The following KCNH5 variants were observed in gnomAD, a reference collection of about 807,000 sequenced individuals.
The protein encoded by KCNH5 is potassium voltage-gated channel subfamily H member 5.
A neutral mutation model predicts 96.1 loss-of-function variants in KCNH5; 46 were observed. That is an observed-to-expected ratio of 0.48 (90% CI 0.38 to 0.61). KCNH5 has a LOEUF of 0.61. Among genes scored for constraint, KCNH5 ranks in the 20% least tolerant of loss-of-function variants. The pLI is 0.00. For synonymous variants in KCNH5, 439 were observed against 449.8 expected, an observed-to-expected ratio of 0.98 and a Z score of 0.30; for missense variants, 907 against 1,225.8, an observed-to-expected ratio of 0.74 and a Z score of 3.88.
At chr14:62,803,873 C>T (rs1476745321) in intron 8 of KCNH5, among the ~76,000 whole-genome samples, 2 of 152,104 alleles carry the variant, frequency 1.3e-5, no homozygotes, top group Non-Finnish European at 2.9e-5. Flanking sequence ...TTTCTTTGAT[C>T]GGATTTCAAT....
intron 7 of KCNH5, among the ~76,000 whole-genome samples, chr14:62,875,953 G>A (rs926787823): frequency 6.6e-6 from 1 of 152,208 alleles, no homozygotes; most frequent in Non-Finnish European, 1.5e-5. Context: ...CAAATCATGA[G>A]GTCAGGAGTT....
At chr14:62,755,623 A>G (rs1218751988) in intron 10 of KCNH5, among the ~76,000 whole-genome samples, 1 of 152,216 alleles carries the variant, frequency 6.6e-6, no homozygotes, top group East Asian at 1.9e-4. Context: ...ACAAAGATGC[A>G]TCGAAAAAAG....
chr14:62,965,243 G>T (rs140955444), intron 6 of KCNH5, among the ~76,000 whole-genome samples: 114 of 152,204 alleles, frequency 7.5e-4, no homozygotes, highest in African/African-American at 2.5e-3. Flanking sequence ...CCCCAATGTG[G>T]TAGTGTTGGA....
At chr14:62,723,790 C>G (rs762245808) in intron 10 of KCNH5, among the ~76,000 whole-genome samples, 6 of 152,180 alleles carry the variant, frequency 3.9e-5, no homozygotes, top group Non-Finnish European at 7.4e-5. Flanking sequence ...TTTATTTTAT[C>G]AGAATAGTGT....
chr14:62,842,451 A>G (rs1887604866), intron 8 of KCNH5, among the ~76,000 whole-genome samples: 1 of 152,268 alleles, frequency 6.6e-6, no homozygotes, highest in Non-Finnish European at 1.5e-5. Flanking sequence ...GTAACAACTG[A>G]GAAACACATG....
At chr14:62,826,453 C>T (rs12147372) in intron 8 of KCNH5, among the ~76,000 whole-genome samples, 4,374 of 140,428 alleles carry the variant, frequency 0.031, 94 homozygotes, top group South Asian at 0.062. Flanking sequence ...TCAGCATTTT[C>T]AAGGATTTTC....
intron 7 of KCNH5, among the ~76,000 whole-genome samples, chr14:62,932,578 T>A (rs1336727191): frequency 6.6e-6 from 1 of 151,444 alleles, no homozygotes; most frequent in Non-Finnish European, 1.5e-5. Context: ...AACTTGTGAA[T>A]GAAATAACTC....
At chr14:63,021,609 C>G (rs974935865) in intron 1 of KCNH5, among the ~76,000 whole-genome samples, 1 of 152,110 alleles carries the variant, frequency 6.6e-6, no homozygotes, top group Non-Finnish European at 1.5e-5. Context: ...AAACTTTCCA[C>G]AGAAGTTGTC....
At chr14:62,760,324 T>A (rs1325001497) in intron 10 of KCNH5, among the ~76,000 whole-genome samples, 2 of 152,162 alleles carry the variant, frequency 1.3e-5, no homozygotes, top group Non-Finnish European at 1.5e-5. Flanking sequence ...CTCTAAGTTA[T>A]AATACAGTCC....
intron 8 of KCNH5, among the ~76,000 whole-genome samples, chr14:62,832,679 C>T (rs111268059): frequency 1.4e-4 from 22 of 152,174 alleles, no homozygotes; most frequent in South Asian, 8.3e-4. Context: ...GAAGAAACTC[C>T]GTCCTGTTTT....
chr14:62,991,913 G>C (rs1890816118), intron 4 of KCNH5, among the ~76,000 whole-genome samples: 1 of 151,932 alleles, frequency 6.6e-6, no homozygotes, highest in East Asian at 1.9e-4. Flanking sequence ...AGGGCTTTTA[G>C]GGTAACTGTG....
intron 3 of KCNH5, among the ~76,000 whole-genome samples, chr14:63,002,251 A>C (rs1891024481): frequency 6.6e-6 from 1 of 152,210 alleles, no homozygotes; most frequent in African/African-American, 2.4e-5. Flanking sequence ...CCTCTAGGAC[A>C]GAGGGTATCA....
rs987088618 is a variant in KCNH5, at chr14:62,754,137, T to C, written c.2019+25591A>G. On this transcript the variant is annotated intron_variant, in intron 10 of 10. Coordinates refer to ENST00000322893, the MANE Select transcript of KCNH5 (RefSeq NM_139318.5). ...AATATAGAGTTTTTATTAGTTCTCT[T>C]TGGCTTATCTGTTTGTTTGCAATCA... 3.3e-5 allele frequency among the ~76,000 whole-genome samples: 5 copies of C among 152,298 alleles called. No homozygotes were observed. In the East Asian group the frequency reaches 9.6e-4, roughly 29 times the overall value.
intron 7 of KCNH5, among the ~76,000 whole-genome samples, chr14:62,947,075 T>C (rs1226144714): frequency 2.6e-5 from 4 of 152,210 alleles, no homozygotes; most frequent in Non-Finnish European, 5.9e-5. Flanking sequence ...ATTTTGATAC[T>C]GAGCTATAGT....
At chr14:62,932,235 A>T (rs1317468674) in intron 7 of KCNH5, among the ~76,000 whole-genome samples, 1 of 152,158 alleles carries the variant, frequency 6.6e-6, no homozygotes, top group Non-Finnish European at 1.5e-5. Context: ...CTATGTGGGG[A>T]TAAGAAAACT....
chr14:62,804,064 G>T (rs1296024605), intron 8 of KCNH5, among the ~76,000 whole-genome samples: 1 of 151,974 alleles, frequency 6.6e-6, no homozygotes, highest in Non-Finnish European at 1.5e-5. Context: ...ATGAAAACTG[G>T]GTTGCTTCCC....
intron 9 of KCNH5, among the ~76,000 whole-genome samples, chr14:62,799,722 T>TACAC (rs1377411964): frequency 1.2e-3 from 137 of 109,772 alleles, no homozygotes; most frequent in South Asian, 0.01. Flanking sequence ...TATATATATA[T>TACAC]ATATACACAC....
intron 9 of KCNH5, among the ~76,000 whole-genome samples, chr14:62,785,022 G>A (rs1008778002): frequency 6.6e-6 from 1 of 152,266 alleles, no homozygotes; most frequent in African/African-American, 2.4e-5. Flanking sequence ...TTCACTTTGT[G>A]TAATAAGCAA....
intron 8 of KCNH5, among the ~76,000 whole-genome samples, chr14:62,814,782 C>CAAAAAAAAAAAAAAAAAAAAA (rs71120235): frequency 8.9e-5 from 3 of 33,758 alleles, no homozygotes; most frequent in Non-Finnish European, 9.5e-5. Flanking sequence ...GACTCCATCT[C>CAAAAAAAAAAAAAAAAAAAAA]AAAAAAAAAA....
Sources: gnomAD v4.1 joint callset for allele counts (sites outside exome capture counted in the v4.1 genomes callset) on GRCh38, gnomAD v4.1.1 for gene constraint, MANE v1.5 for transcripts, NCBI Gene and HGNC (gene_info 2026-07-23, HGNC 2026-07-21) for gene names.